The following GALNT11 variants were observed in gnomAD, a reference collection of about 807,000 sequenced individuals.
GALNT11 encodes polypeptide N-acetylgalactosaminyltransferase 11, also known as UDP-GalNAc:polypeptide N-acetylgalactosaminyltransferase 11.
Under a neutral mutation model 72.7 loss-of-function variants are expected in GALNT11, and 47 were observed. That is an observed-to-expected ratio of 0.65 (90% CI 0.51 to 0.82). The LOEUF (loss-of-function observed/expected upper bound fraction) is 0.82. Ranked by LOEUF, GALNT11 falls within the 40% of genes least tolerant of loss-of-function variation. GALNT11 has a pLI of 0.00. For synonymous variants in GALNT11, 270 were observed against 286.6 expected (o/e 0.94, Z 0.58); for missense variants, 677 against 778.4 (o/e 0.87, Z 1.55).
At chr7:152,081,670 C>T (rs2085333131) in intron 1 of GALNT11, among the ~76,000 whole-genome samples, 1 of 152,200 alleles carries the variant, frequency 6.6e-6, no homozygotes, top group South Asian at 2.1e-4. Context: ...ATGTCAGCTT[C>T]CAGCCCTGAC....
Position 152,120,818 on chromosome 7 carries a change from T to G in GALNT11, c.1558-13T>G. The G allele has an allele frequency of 6.3e-7, 1 of 1,584,668 alleles. No homozygotes were observed. Among genetic ancestry groups the G allele is most frequent in the Non-Finnish European group, 8.6e-7 (1 of 1,158,024 alleles). On this transcript the variant is annotated splice_polypyrimidine_tract_variant and intron_variant, in intron 10 of 11. Coordinates refer to ENST00000430044, the MANE Select transcript of GALNT11 (RefSeq NM_022087.4). ...ATTCGTTATCTAAATTTTATTTTAT[T>G]TTTCTTCTCTAGATCTGGATCTATA...
At chr7:152,048,499 G>A (rs1199296546) in intron 1 of GALNT11, among the ~76,000 whole-genome samples, 3 of 151,370 alleles carry the variant, frequency 2.0e-5, no homozygotes. Flanking sequence ...GTCTGTCTAC[G>A]TCCTCTTTAA....
At chr7:152,103,765 C>G (rs772514048) in intron 4 of GALNT11, 1 of 154,126 alleles carries the variant, frequency 6.5e-6, no homozygotes, top group African/African-American at 2.4e-5. Flanking sequence ...CTCCTGCTTT[C>G]CTCTACTCTT....
intron 8 of GALNT11, among the ~76,000 whole-genome samples, chr7:152,115,846 C>T (rs956173617): frequency 4.6e-5 from 7 of 151,454 alleles, no homozygotes; most frequent in South Asian, 4.2e-4. Flanking sequence ...CACCTGAGGT[C>T]GGGAGTTTGA....
At chr7:152,086,714 G>A (rs1291246737) in intron 1 of GALNT11, among the ~76,000 whole-genome samples, 2 of 152,184 alleles carry the variant, frequency 1.3e-5, no homozygotes, top group Admixed American at 1.3e-4. Flanking sequence ...AGCCAAGAGT[G>A]AACCTAAGGA....
At chr7:152,082,333 AT>A (rs2085369558) in intron 1 of GALNT11, among the ~76,000 whole-genome samples, 1 of 152,242 alleles carries the variant, frequency 6.6e-6, no homozygotes. Context: ...AGACAGGGTC[AT>A]TTATAACCTG....
intron 1 of GALNT11, among the ~76,000 whole-genome samples, chr7:152,045,080 TC>T (rs1230276503): frequency 6.6e-6 from 1 of 152,236 alleles, no homozygotes; most frequent in African/African-American, 2.4e-5. Context: ...ATTTGATGTA[TC>T]ATATTGATTG....
At chr7:152,064,339 C>T (rs1459694796) in intron 1 of GALNT11, among the ~76,000 whole-genome samples, 1 of 152,116 alleles carries the variant, frequency 6.6e-6, no homozygotes, top group Non-Finnish European at 1.5e-5. Flanking sequence ...TATTTTGAGC[C>T]TATGTGTGTC....
rs565121306 is a variant in GALNT11 at position 152,041,555 on chromosome 7, G to A, written c.-39+15671G>A. 6.2e-4 allele frequency among the ~76,000 whole-genome samples: 95 copies of A among 152,360 alleles called. 1 individual carries two copies. Among genetic ancestry groups the A allele is most frequent in the Non-Finnish European group, 4.4e-5 (3 of 68,024 alleles). ...CCATTCTAAGTCCAGCTCTTGGACAGTAACACCAGTAGGTGAATGCTGAGT... is the reference window on the plus strand; with the variant it reads ...CCATTCTAAGTCCAGCTCTTGGACAATAACACCAGTAGGTGAATGCTGAGT... On this transcript the variant is annotated intron_variant, in intron 1 of 11. Transcript: ENST00000430044.
chr7:152,062,123 ATTTG>A (rs1264497233), intron 1 of GALNT11, among the ~76,000 whole-genome samples: 16 of 152,276 alleles, frequency 1.1e-4, no homozygotes, highest in Middle Eastern at 3.4e-3. Flanking sequence ...ATGTTCTTCC[ATTTG>A]TTTGTGTCCT....
At chr7:152,102,517 A>G (rs1416462636) in intron 3 of GALNT11, among the ~76,000 whole-genome samples, 1 of 150,838 alleles carries the variant, frequency 6.6e-6, no homozygotes, top group Non-Finnish European at 1.5e-5. Context: ...ACTCCAGCCT[A>G]GTGACAGAGC....
chr7:152,114,754 A>G (rs2088662055), intron 8 of GALNT11, among the ~76,000 whole-genome samples: 1 of 151,638 alleles, frequency 6.6e-6, no homozygotes, highest in Non-Finnish European at 1.5e-5. Flanking sequence ...GTGTATAGCT[A>G]TTTTTTAAAC....
intron 7 of GALNT11, among the ~76,000 whole-genome samples, chr7:152,113,019 A>G (rs2088413053): frequency 6.6e-6 from 1 of 152,214 alleles, no homozygotes; most frequent in South Asian, 2.1e-4. Context: ...AATGCTGACT[A>G]TAGCATTGTT....
At chr7:152,059,052 T>TA in intron 1 of GALNT11, among the ~76,000 whole-genome samples, 1 of 152,268 alleles carries the variant, frequency 6.6e-6, no homozygotes, top group Non-Finnish European at 1.5e-5. Context: ...AAATGTGGAA[T>TA]AAAAAAATAA....
intron 1 of GALNT11, among the ~76,000 whole-genome samples, chr7:152,072,783 A>G (rs1373133435): frequency 6.6e-6 from 1 of 152,238 alleles, no homozygotes; most frequent in African/African-American, 2.4e-5. Flanking sequence ...CAATGGAGTC[A>G]GAACACAGCA....
rs570188437 is a variant in GALNT11 at position 152,108,182 on chromosome 7, C to T, written c.857C>T (p.Ser286Leu). 14 of 1,614,106 alleles carry T rather than the reference C, an allele frequency of 8.7e-6. No individual in the cohort carries two copies. The East Asian group carries it at 2.0e-4, about 23-fold the overall frequency. Residue 286 changes from serine (S) to leucine (L), a missense_variant, in exon 6 of 12, where the codon TCG (serine) becomes TTG (leucine). Coordinates refer to ENST00000430044, the MANE Select transcript of GALNT11 (RefSeq NM_022087.4). The stretch of plus-strand genomic sequence containing the variant: ...AGCGCCGACACGCTGGCCTACAGCT[C>T]GTCCCCTGTCGTCCGCGGAGGGTTC... Reference protein sequence around the residue: ...IISADTLAYSSSPVVRGGFNW... With the variant: ...IISADTLAYSLSPVVRGGFNW...
At chr7:152,116,977 A>C in intron 8 of GALNT11, 180 bp from the exon 9 acceptor site, 1 of 705,846 alleles carries the variant, frequency 1.4e-6, no homozygotes, top group Non-Finnish European at 2.6e-6. Context: ...GAGACTCACG[A>C]GTTTGAGACC....
intron 1 of GALNT11, among the ~76,000 whole-genome samples, chr7:152,057,876 A>C (rs2083775236): frequency 6.6e-6 from 1 of 152,204 alleles, no homozygotes; most frequent in African/African-American, 2.4e-5. Context: ...GACAATAGGT[A>C]AAAGCTAAGG....
chr7:152,101,626 G>A (rs1338355067), intron 3 of GALNT11, among the ~76,000 whole-genome samples: 1 of 128,366 alleles, frequency 7.8e-6, no homozygotes, highest in Non-Finnish European at 1.6e-5. Context: ...TGTTCTCTAA[G>A]TTCATGGCTT....
Sources: allele counts gnomAD v4.1 joint callset (sites outside exome capture counted in the v4.1 genomes callset), GRCh38; gene constraint gnomAD v4.1.1; transcripts MANE v1.5; gene names NCBI Gene and HGNC (gene_info 2026-07-23, HGNC 2026-07-21).